The following ASB15 variants were observed in gnomAD, a reference collection of about 807,000 sequenced individuals.
ASB15 encodes the protein ankyrin repeat and SOCS box protein 15.
Under a neutral mutation model 58.0 loss-of-function variants are expected in ASB15, and 54 were observed. The observed-to-expected ratio is 0.93, with a 90% CI of 0.75 to 1.17. The LOEUF is 1.17. Ranked by LOEUF, ASB15 falls within the 50% of genes most tolerant of loss-of-function variation. The pLI is 0.00. For synonymous variants in ASB15, 249 were observed against 262.4 expected (o/e 0.95, Z 0.50); for missense variants, 680 against 707.4 (o/e 0.96, Z 0.44).
chr7:123,605,276 C>T (rs925421430), intron 2 of ASB15, among the ~76,000 whole-genome samples: 1 of 152,066 alleles, frequency 6.6e-6, no homozygotes, highest in Non-Finnish European at 1.5e-5. Flanking sequence ...AAATGCAAAT[C>T]AAAACCACAA....
intron 4 of ASB15, chr7:123,615,594 G>GA (rs1001562068): frequency 2.0e-5 from 3 of 152,128 alleles, no homozygotes; most frequent in African/African-American, 7.2e-5. Context: ...ACACACACCA[G>GA]AAAACCTCCA....
At chr7:123,577,040 T>A (rs375007693) in intron 1 of ASB15, among the ~76,000 whole-genome samples, 2 of 152,196 alleles carry the variant, frequency 1.3e-5, no homozygotes, top group African/African-American at 4.8e-5. Flanking sequence ...AATTATTCTC[T>A]TATTGATATC....
chr7:123,588,400 C>T (rs1799434262), intron 1 of ASB15, among the ~76,000 whole-genome samples: 1 of 151,388 alleles, frequency 6.6e-6, no homozygotes. Context: ...TGAATCTTCT[C>T]TCTTTTTTTC....
intron 1 of ASB15, among the ~76,000 whole-genome samples, chr7:123,567,869 A>T (rs1028281719): frequency 1.3e-5 from 2 of 152,194 alleles, no homozygotes; most frequent in African/African-American, 4.8e-5. Flanking sequence ...AGACGAAAAT[A>T]TTCAAATTCC....
rs1459949582 is a variant in ASB15, at chr7:123,637,877, C to CGAAAAAAAAAAAAAAAAAAAAAAA, written c.*896_*897insGAAAAAAAAAAAAAAAAAAAAAAA. On this transcript the variant is annotated 3_prime_UTR_variant, in exon 12 of 12. Coordinates refer to ENST00000451215, the MANE Select transcript of ASB15 (RefSeq NM_001290258.2). ...CAAATTCAACATGTCCCCAGATGAA[C>CGAAAAAAAAAAAAAAAAAAAAAAA]TAAAAAAAAAAAAAAAAAAAAAACC... is the stretch of plus-strand genomic sequence containing the variant. 5.2e-5 allele frequency: 1 copy of CGAAAAAAAAAAAAAAAAAAAAAAA among 19,122 alleles called. No individual in the cohort carries two copies. The highest frequency in any genetic ancestry group is 9.2e-5 in the Non-Finnish European group (1 of 10,832). 1.2% of individuals were successfully genotyped at this position (19,122 alleles called of 1,614,324 possible). A position where few individuals can be genotyped will look rare whatever the true frequency, so the allele number is the denominator to read the frequency against.
chr7:123,606,371 C>T (rs1404227837), intron 2 of ASB15, among the ~76,000 whole-genome samples: 1 of 152,176 alleles, frequency 6.6e-6, no homozygotes, highest in East Asian at 1.9e-4. Flanking sequence ...CACCAAGGTT[C>T]CTGGCCTGCT....
At chr7:123,625,920 G>C (rs912770191) in intron 8 of ASB15, among the ~76,000 whole-genome samples, 3 of 152,210 alleles carry the variant, frequency 2.0e-5, no homozygotes, top group African/African-American at 4.8e-5. Flanking sequence ...GAAGTAAGCT[G>C]TATTAATCAT....
At chr7:123,605,759 C>T (rs1258155656) in intron 2 of ASB15, among the ~76,000 whole-genome samples, 1 of 152,088 alleles carries the variant, frequency 6.6e-6, no homozygotes, top group Non-Finnish European at 1.5e-5. Flanking sequence ...AAACCAAATA[C>T]CCCATGTTCT....
chr7:123,582,198 T>A lies in ASB15; in HGVS notation c.-443+15110T>A, dbSNP rs572085205. 3.3e-5 allele frequency among the ~76,000 whole-genome samples: 5 copies of A among 152,080 alleles called. No individual in the cohort carries two copies. The East Asian group carries it at 9.7e-4, about 29-fold the overall frequency. The stretch of plus-strand genomic sequence containing the variant: ...CAGTGGTTCTCAGGCCCAGACCACT[T>A]TGAGGGACAGGTTCAACCCACAGTA... On this transcript the variant is annotated intron_variant, in intron 1 of 13. Coordinates refer to the ASB15 transcript ENST00000451558.
intron 11 of ASB15, among the ~76,000 whole-genome samples, chr7:123,636,206 CTTCA>C (rs1411309908): frequency 6.6e-6 from 1 of 152,150 alleles, no homozygotes; most frequent in African/African-American, 2.4e-5. Context: ...TATGCTGCTC[CTTCA>C]TTCATTCATA....
intron 1 of ASB15, among the ~76,000 whole-genome samples, chr7:123,583,676 G>A (rs1479110290): frequency 6.6e-6 from 1 of 151,914 alleles, no homozygotes; most frequent in Non-Finnish European, 1.5e-5. Context: ...ACAGGAAAGA[G>A]GAGTAACATT....
intron 3 of ASB15, 128 bp downstream of exon 3, chr7:123,608,782 G>T (rs957796907): frequency 6.6e-6 from 1 of 151,984 alleles, no homozygotes; most frequent in Non-Finnish European, 1.5e-5. Flanking sequence ...CATGTGATTT[G>T]CCACTTTGTG....
chr7:123,628,068 A>T (rs1031531885), intron 9 of ASB15, among the ~76,000 whole-genome samples: 2 of 152,142 alleles, frequency 1.3e-5, no homozygotes, highest in Admixed American at 1.3e-4. Flanking sequence ...CTTGCCTGTG[A>T]CTCTCATACA....
intron 1 of ASB15, among the ~76,000 whole-genome samples, chr7:123,576,704 A>G (rs994643550): frequency 2.6e-5 from 4 of 152,118 alleles, no homozygotes; most frequent in Non-Finnish European, 4.4e-5. Context: ...TGCTGCAGTA[A>G]AAGAAAACAG....
intron 1 of ASB15, among the ~76,000 whole-genome samples, chr7:123,570,799 A>G (rs1174664262): frequency 6.6e-6 from 1 of 152,210 alleles, no homozygotes; most frequent in Admixed American, 6.5e-5. Flanking sequence ...TCCATTTCCC[A>G]TTACCACTGC....
chr7:123,568,334 G>T (rs1798814128), intron 1 of ASB15, among the ~76,000 whole-genome samples: 1 of 151,692 alleles, frequency 6.6e-6, no homozygotes, highest in Admixed American at 6.6e-5. Context: ...CCAACGTGGA[G>T]AAACCCCATC....
intron 7 of ASB15, among the ~76,000 whole-genome samples, chr7:123,619,076 A>T (rs1248911589): frequency 6.8e-6 from 1 of 146,870 alleles, no homozygotes; most frequent in Non-Finnish European, 1.5e-5. Flanking sequence ...GCTACTCGGG[A>T]GGCTGATGCA....
chr7:123,619,055 C>A, intron 7 of ASB15, among the ~76,000 whole-genome samples: 1 of 151,704 alleles, frequency 6.6e-6, no homozygotes, highest in South Asian at 2.1e-4. Context: ...TGGCAGGCAC[C>A]TGTAATCCCA....
chr7:123,586,103 G>A (rs1799368079), intron 1 of ASB15, among the ~76,000 whole-genome samples: 1 of 151,736 alleles, frequency 6.6e-6, no homozygotes, highest in Non-Finnish European at 1.5e-5. Context: ...AACAGGTGAG[G>A]TTGCTAGATC....
Sources: allele counts gnomAD v4.1 joint callset (sites outside exome capture counted in the v4.1 genomes callset), GRCh38; gene constraint gnomAD v4.1.1; transcripts MANE v1.5; gene names NCBI Gene and HGNC (gene_info 2026-07-23, HGNC 2026-07-21).